The following CSMD2 variants were observed in gnomAD, a reference collection of about 807,000 sequenced individuals.
The protein encoded by CSMD2 is CUB and Sushi multiple domains 2, also known as CUB and sushi domain-containing protein 2.
Under a neutral mutation model 398.5 loss-of-function variants are expected in CSMD2, and 130 were observed. The ratio of observed to expected loss-of-function variants is 0.33; its 90% CI spans 0.28 to 0.38. The LOEUF (loss-of-function observed/expected upper bound fraction) is 0.38. Among genes scored for constraint, CSMD2 ranks in the 10% least tolerant of loss-of-function variants. The probability of loss-of-function intolerance (pLI) is 1.00; values close to 1 mark genes in which losing one functional copy is unlikely to be tolerated. For synonymous variants in CSMD2, 1,828 were observed against 1,908.5 expected, an observed-to-expected ratio of 0.96 and a Z score of 1.10; for missense variants, 3,829 against 4,764.9, an observed-to-expected ratio of 0.80 and a Z score of 5.78.
At chr1:33,565,218 T>C (rs1234524509) in intron 53 of CSMD2, among the ~76,000 whole-genome samples, 1 of 152,094 alleles carries the variant, frequency 6.6e-6, no homozygotes, top group African/African-American at 2.4e-5. Flanking sequence ...ATCTCATATA[T>C]GAATATACTG....
At chr1:34,082,074 C>T (rs1214114767) in intron 2 of CSMD2, among the ~76,000 whole-genome samples, 5 of 151,164 alleles carry the variant, frequency 3.3e-5, no homozygotes, top group African/African-American at 7.3e-5. Context: ...AAGTGAGGAG[C>T]GTTTCTGCCT....
intron 3 of CSMD2, among the ~76,000 whole-genome samples, chr1:34,012,188 C>G (rs149578980): frequency 6.6e-6 from 1 of 152,172 alleles, no homozygotes; most frequent in East Asian, 1.9e-4. Flanking sequence ...ACCCAGGACT[C>G]CTTGCTCCTC....
At chr1:33,676,558 C>A (rs1644719069) in intron 25 of CSMD2, among the ~76,000 whole-genome samples, 1 of 152,192 alleles carries the variant, frequency 6.6e-6, no homozygotes, top group Admixed American at 6.5e-5. Context: ...AGATTCAATG[C>A]CATCCCCATT....
At chr1:33,723,053 T>C (rs1039623476) in intron 19 of CSMD2, among the ~76,000 whole-genome samples, 1 of 152,258 alleles carries the variant, frequency 6.6e-6, no homozygotes, top group African/African-American at 2.4e-5. Context: ...TACACAGGCA[T>C]GTGTGTGCAC....
rs1420315555 is a variant in CSMD2, at chr1:34,163,039, CACCGCTGAGCGGTGCAAGCGCCGG to C, written c.187+1848_187+1871del. 2.0e-5 allele frequency among the ~76,000 whole-genome samples: 3 copies of C among 152,246 alleles called. No individual in the cohort carries two copies. Among genetic ancestry groups the C allele is most frequent in the Non-Finnish European group, 4.4e-5 (3 of 68,046 alleles). On this transcript the variant is annotated intron_variant, in intron 1 of 70. Coordinates refer to ENST00000373381, the MANE Select transcript of CSMD2 (RefSeq NM_001281956.2). The surrounding 1 kb of genome is among the most constrained non-coding windows in gnomAD (Gnocchi z 5.4). ...GGATCTCTATAGGGCAGGATTCCAG[CACCGCTGAGCGGTGCAAGCGCCGG>C]TGAGTCGGCCTTTTTCTCTCCCCTA... is the stretch of plus-strand genomic sequence containing the variant.
chr1:34,140,835 C>T (rs948042219), intron 1 of CSMD2, among the ~76,000 whole-genome samples: 5 of 152,098 alleles, frequency 3.3e-5, no homozygotes, highest in African/African-American at 1.2e-4. Context: ...ATAAGTTTTT[C>T]ACGTGGGGCT....
At chr1:34,091,938 T>C (rs1345951391) in intron 1 of CSMD2, among the ~76,000 whole-genome samples, 1 of 152,058 alleles carries the variant, frequency 6.6e-6, no homozygotes, top group African/African-American at 2.4e-5. Flanking sequence ...GGAAGCAAAA[T>C]TATGGTTTGT....
intron 49 of CSMD2, among the ~76,000 whole-genome samples, chr1:33,576,876 T>C (rs566458741): frequency 7.2e-5 from 11 of 152,036 alleles, no homozygotes; most frequent in Non-Finnish European, 1.5e-4. Flanking sequence ...TCATAAATCA[T>C]AAAATCATAA....
At chr1:33,596,475 C>G (rs1639845825) in intron 44 of CSMD2, among the ~76,000 whole-genome samples, 2 of 152,142 alleles carry the variant, frequency 1.3e-5, no homozygotes, top group African/African-American at 4.8e-5. Flanking sequence ...TCTCACACTG[C>G]TAATAAAAAC....
intron 2 of CSMD2, among the ~76,000 whole-genome samples, chr1:34,081,298 A>G (rs1053822920): frequency 1.3e-5 from 2 of 152,156 alleles, no homozygotes; most frequent in South Asian, 2.1e-4. Context: ...GCATCTTCCA[A>G]TGTTACTTGG....
At chr1:33,812,814 T>G (rs1330679041) in intron 9 of CSMD2, among the ~76,000 whole-genome samples, 1 of 152,170 alleles carries the variant, frequency 6.6e-6, no homozygotes, top group Non-Finnish European at 1.5e-5. Flanking sequence ...ATAATCAGAC[T>G]CCCAATGCCA....
At chr1:34,118,396 A>G (rs1404273660) in intron 1 of CSMD2, among the ~76,000 whole-genome samples, 1 of 152,202 alleles carries the variant, frequency 6.6e-6, no homozygotes, top group Non-Finnish European at 1.5e-5. Flanking sequence ...TATTCGGTAT[A>G]ATACTGGAAG....
intron 22 of CSMD2, among the ~76,000 whole-genome samples, chr1:33,703,336 A>G (rs1160611224): frequency 1.3e-5 from 2 of 152,248 alleles, no homozygotes; most frequent in African/African-American, 4.8e-5. Flanking sequence ...CATGGTGTCT[A>G]GCTCCATTTA....
At chr1:33,993,802 T>C (rs1646638379) in intron 3 of CSMD2, among the ~76,000 whole-genome samples, 1 of 152,154 alleles carries the variant, frequency 6.6e-6, no homozygotes. Flanking sequence ...CTCACTCTCC[T>C]AGACCCCCTT....
chr1:33,541,681 T>C (rs1656356821), intron 58 of CSMD2, among the ~76,000 whole-genome samples: 2 of 152,296 alleles, frequency 1.3e-5, no homozygotes, highest in East Asian at 3.9e-4. Context: ...AGTCCTGTCC[T>C]TGCCCACACT....
chr1:34,161,960 C>T (rs184134160), intron 1 of CSMD2, among the ~76,000 whole-genome samples: 1 of 151,960 alleles, frequency 6.6e-6, no homozygotes, highest in Non-Finnish European at 1.5e-5. Context: ...ATCATGAGGT[C>T]AGGAGTTCGA....
intron 62 of CSMD2, among the ~76,000 whole-genome samples, chr1:33,535,527 C>T (rs965281009): frequency 1.2e-4 from 18 of 152,198 alleles, no homozygotes; most frequent in African/African-American, 2.9e-4. Context: ...TAATCCATCA[C>T]GTGACTATAC....
intron 10 of CSMD2, among the ~76,000 whole-genome samples, chr1:33,810,534 C>A (rs1378099344): frequency 6.6e-6 from 1 of 151,910 alleles, no homozygotes; most frequent in Admixed American, 6.6e-5. Context: ...GATGGCTGCA[C>A]AGGTGTTTGT....
chr1:33,571,858 C>T, intron 50 of CSMD2, 132 bp from the exon 51 acceptor site: 1 of 658,650 alleles, frequency 1.5e-6, no homozygotes. Context: ...AGTTCTCAGG[C>T]AGGTTTGGTA....
Sources: allele counts gnomAD v4.1 joint callset (sites outside exome capture counted in the v4.1 genomes callset), GRCh38; gene constraint gnomAD v4.1.1; non-coding constraint Gnocchi (gnomAD v3.1); transcripts MANE v1.5; gene names NCBI Gene and HGNC (gene_info 2026-07-23, HGNC 2026-07-21).